Variants in OSBPL1A observed in about 807,000 individuals in gnomAD.
The protein encoded by OSBPL1A is oxysterol-binding protein-related protein 1.
OSBPL1A carries 80 observed loss-of-function variants against 137.1 expected under a neutral mutation model. That is an observed-to-expected ratio of 0.58 (90% CI 0.49 to 0.70). The LOEUF (loss-of-function observed/expected upper bound fraction) is 0.70, where lower values mean the gene tolerates loss of function less well. Ranked by LOEUF, OSBPL1A falls within the 30% of genes least tolerant of loss-of-function variation. The pLI, the probability that OSBPL1A is intolerant of heterozygous loss-of-function variation, is 0.00. For missense variants in OSBPL1A, 970 were observed against 1,129.4 expected (o/e 0.86, Z 2.02); for synonymous variants, 365 against 389.7 (o/e 0.94, Z 0.75).
At chr18:24,331,694 C>T (rs1005289500) in intron 7 of OSBPL1A, among the ~76,000 whole-genome samples, 5 of 150,782 alleles carry the variant, frequency 3.3e-5, no homozygotes, top group East Asian at 3.9e-4. Context: ...CCGCGCCCGG[C>T]GGCATGTTCC....
intron 9 of OSBPL1A, 152 bp downstream of exon 9, chr18:24,318,449 T>TAA: frequency 4.7e-5 from 27 of 573,008 alleles, no homozygotes; most frequent in Middle Eastern, 5.2e-4. Flanking sequence ...TAACTAAAAA[T>TAA]AAAAAAAAAA....
At chr18:24,185,949 T>C (rs541477924) in intron 18 of OSBPL1A, among the ~76,000 whole-genome samples, 3 of 152,148 alleles carry the variant, frequency 2.0e-5, no homozygotes, top group Admixed American at 6.5e-5. Flanking sequence ...GCATCTGTAG[T>C]CCCAGCTTCT....
At chr18:24,323,206 T>C (rs34005893) in intron 7 of OSBPL1A, among the ~76,000 whole-genome samples, 1 of 151,920 alleles carries the variant, frequency 6.6e-6, no homozygotes, top group Admixed American at 6.6e-5. Flanking sequence ...AACTTTTTTT[T>C]AATGCGATAC....
intron 2 of OSBPL1A, among the ~76,000 whole-genome samples, chr18:24,369,567 C>T (rs184083005): frequency 3.3e-5 from 5 of 152,166 alleles, no homozygotes; most frequent in African/African-American, 1.2e-4. Context: ...ACACTGCCCT[C>T]AGCTCCTGGA....
chr18:24,234,926 T>C (rs1475527318), intron 16 of OSBPL1A, among the ~76,000 whole-genome samples: 3 of 152,192 alleles, frequency 2.0e-5, no homozygotes, highest in African/African-American at 4.8e-5. Context: ...CTTTACTAAC[T>C]GTGCATCCAA....
At chr18:24,317,901 A>G (rs1438882579) in intron 9 of OSBPL1A, among the ~76,000 whole-genome samples, 1 of 152,244 alleles carries the variant, frequency 6.6e-6, no homozygotes, top group African/African-American at 2.4e-5. Flanking sequence ...GAAAAATTTT[A>G]TATATGTACC....
chr18:24,317,199 G>A lies in OSBPL1A; in HGVS notation c.820C>T (p.His274Tyr), dbSNP rs1299335765. 1 of 1,613,630 alleles carries A rather than the reference G, an allele frequency of 6.2e-7. No individual in the cohort carries two copies. The highest frequency in any genetic ancestry group is 8.5e-7 in the Non-Finnish European group (1 of 1,179,898). Reference sequence around the variant, plus strand: ...TTGCATCCCTGGCGATAAATATTATGAACTGCATCAGGCCTTCAAAATAAA... The same window carrying A: ...TTGCATCCCTGGCGATAAATATTATAAACTGCATCAGGCCTTCAAAATAAA... ...SWYRKQPDAV[H>Y]NIYRQGCKHL... is the part of the protein sequence containing the mutation. The change falls in exon 11 of 28, where the codon CAT (histidine) becomes TAT (tyrosine). Residue 274 changes from histidine (H) to tyrosine (Y), a missense_variant. His to Tyr is a moderately conservative substitution (Grantham distance 83). This residue lies in a region of OSBPL1A where 647 missense variants were observed against 672.6 expected (regional missense o/e 0.96). Coordinates refer to ENST00000319481, the MANE Select transcript of OSBPL1A (RefSeq NM_080597.4).
intron 4 of OSBPL1A, among the ~76,000 whole-genome samples, chr18:24,350,835 AAAT>A (rs2091426285): frequency 6.6e-6 from 1 of 152,184 alleles, no homozygotes; most frequent in African/African-American, 2.4e-5. Context: ...TTCTCAAAAA[AAAT>A]ATTTCCCATG....
At chr18:24,232,597 A>G (rs530889255) in intron 16 of OSBPL1A, among the ~76,000 whole-genome samples, 1 of 152,272 alleles carries the variant, frequency 6.6e-6, no homozygotes, top group Non-Finnish European at 1.5e-5. Context: ...TACCAAATCC[A>G]GAGCTTCCCA....
Position 24,350,718 on chromosome 18 carries a change from A to T in OSBPL1A, c.283-9060T>A, listed in dbSNP as rs533630557. On this transcript the variant is annotated intron_variant, in intron 4 of 27. Coordinates refer to ENST00000319481, the MANE Select transcript of OSBPL1A (RefSeq NM_080597.4). ...ACACTAAAAGCTAGAAAACGGTGAC[A>T]CAATACCTCCAAAATTCTGAGAGAA... Among the ~76,000 whole-genome samples, 4 of 152,360 alleles carry T rather than the reference A, an allele frequency of 2.6e-5. No homozygotes were observed. The South Asian group carries it at 8.3e-4, about 32-fold the overall frequency.
chr18:24,275,730 T>C (rs1274502577), intron 15 of OSBPL1A, among the ~76,000 whole-genome samples: 2 of 123,774 alleles, frequency 1.6e-5, no homozygotes, highest in Non-Finnish European at 1.5e-5. Context: ...CCCACTCTCT[T>C]TTTTTTTTTT....
At chr18:24,300,738 A>T (rs568980532) in intron 14 of OSBPL1A, among the ~76,000 whole-genome samples, 1 of 152,366 alleles carries the variant, frequency 6.6e-6, no homozygotes, top group South Asian at 2.1e-4. Flanking sequence ...GATTCTGTCT[A>T]CAAACATTTT....
At chr18:24,373,957 G>GCTTT (rs1035506971) in intron 2 of OSBPL1A, among the ~76,000 whole-genome samples, 1 of 152,036 alleles carries the variant, frequency 6.6e-6, no homozygotes, top group African/African-American at 2.4e-5. Flanking sequence ...ATATTTCTCA[G>GCTTT]CTTTACATTT....
intron 16 of OSBPL1A, among the ~76,000 whole-genome samples, chr18:24,235,311 G>C (rs1428551188): frequency 1.3e-5 from 2 of 152,178 alleles, no homozygotes; most frequent in African/African-American, 4.8e-5. Flanking sequence ...ACTGTTTTAA[G>C]TACATTACAA....
intron 15 of OSBPL1A, among the ~76,000 whole-genome samples, chr18:24,251,976 T>C (rs1045783444): frequency 6.6e-6 from 1 of 151,628 alleles, no homozygotes; most frequent in Non-Finnish European, 1.5e-5. Context: ...ATGGAACAAG[T>C]AGAAGAAAGA....
Position 24,294,406 on chromosome 18 carries a change from A to T in OSBPL1A, c.1174+9231T>A, listed in dbSNP as rs538558932. On this transcript the variant is annotated intron_variant, in intron 14 of 27. Transcript: ENST00000319481. ...GCCACCAGGCCCAGCTAATTTTTGT[A>T]TTTTTTTAGTAGAGACGAGGTTTCA... Among the ~76,000 whole-genome samples the T allele has an allele frequency of 3.7e-3, 562 of 151,734 alleles. 8 individuals are homozygous for T. Among genetic ancestry groups the T allele is most frequent in the African/African-American group, 0.013 (540 of 41,388 alleles).
chr18:24,327,085 T>C (rs917758695), intron 7 of OSBPL1A, among the ~76,000 whole-genome samples: 1 of 151,564 alleles, frequency 6.6e-6, no homozygotes, highest in Non-Finnish European at 1.5e-5. Flanking sequence ...AATGTAAATG[T>C]TGCTCTTATG....
chr18:24,362,591 C>T (rs2091640929), intron 4 of OSBPL1A, among the ~76,000 whole-genome samples: 1 of 152,206 alleles, frequency 6.6e-6, no homozygotes, highest in South Asian at 2.1e-4. Flanking sequence ...GATAAATTCA[C>T]ATAAAGCTTC....
chr18:24,170,502 T>C, intron 23 of OSBPL1A, 49 bp from the exon 24 acceptor site: 1 of 1,610,852 alleles, frequency 6.2e-7, no homozygotes, highest in Non-Finnish European at 8.5e-7. Flanking sequence ...TTTGTTTTTT[T>C]AAAGCCGACA....
Sources: allele counts gnomAD v4.1 joint callset (sites outside exome capture counted in the v4.1 genomes callset), GRCh38; gene constraint gnomAD v4.1.1; regional missense constraint gnomAD v4.1.1; transcripts MANE v1.5; gene names NCBI Gene and HGNC (gene_info 2026-07-23, HGNC 2026-07-21).